The following TAAR8 variants were observed in gnomAD, a reference collection of about 807,000 sequenced individuals.
The protein encoded by TAAR8 is trace amine-associated receptor 8.
For missense variants in TAAR8, 459 were observed against 405.8 expected (o/e 1.13, Z -1.13); for synonymous variants, 157 against 152.7 (o/e 1.03, Z -0.21).
At position 132,553,042 on chromosome 6, in the gene TAAR8, C is replaced by T. The variant is rs767994607; in HGVS notation, c.350C>T (p.Ser117Phe). 3.1e-6 allele frequency: 5 copies of T among 1,614,070 alleles called. No homozygotes were observed. In the African/African-American group the frequency reaches 6.7e-5, roughly 22 times the overall value. The change falls in exon 1 of 1, where the codon TCT becomes TTT. Residue 117 changes from serine to phenylalanine, a missense_variant. By Grantham distance (155) the Ser-to-Phe change is radical (BLOSUM62 -2). Coordinates refer to ENST00000275200, the Ensembl canonical transcript of TAAR8. ...TGCTGTGATGTGGCATTTTGTTACT[C>T]TTCTGTCCTCCACTTGTGCTTCATC...
chr6:132,553,139 A>T, exon 1 of TAAR8: 1 of 1,614,036 alleles, frequency 6.2e-7, no homozygotes, highest in Middle Eastern at 1.6e-4. Context: ...CTGTGTCGGG[A>T]ATTTGCATCA....
At chr6:132,552,691 C>T, upstream of TAAR8, 1 of 1,603,418 alleles carries the variant, frequency 6.2e-7, no homozygotes, top group Non-Finnish European at 8.5e-7. Flanking sequence ...AACAGCAGAA[C>T]CATGACCAGC....
Position 132,552,959 on chromosome 6 carries a change from G to C in TAAR8, c.267G>C (p.Met89Ile), listed in dbSNP as rs908340565. The C allele has an allele frequency of 1.9e-6, 3 of 1,614,064 alleles. No individual in the cohort carries two copies. In the African/African-American group the frequency reaches 4.0e-5, roughly 22 times the overall value. ...GTGTGACTGTGATGCTTTTCAGCAT[G>C]GTCAGGACGGTGGAGAGCTGCTGGT... The change falls in exon 1 of 1, where the codon ATG becomes ATC. Residue 89 changes from methionine (M) to isoleucine (I), a missense_variant. Physicochemically the swap from Met to Ile is conservative, Grantham distance 10. Coordinates refer to ENST00000275200, the Ensembl canonical transcript of TAAR8.
At chr6:132,552,992 A>G in exon 1 of TAAR8, 1 of 1,614,072 alleles carries the variant, frequency 6.2e-7, no homozygotes, top group Non-Finnish European at 8.5e-7. Flanking sequence ...GGTATTTTGG[A>G]GCCAAATTTT....
At chr6:132,552,779 G>T in exon 1 of TAAR8, 2 of 1,614,124 alleles carry the variant, frequency 1.2e-6, no homozygotes, top group Non-Finnish European at 1.7e-6. Flanking sequence ...ATTCTCCTGG[G>T]TCCCGGGTAA....
chr6:132,552,857 T>G (rs775543633), exon 1 of TAAR8: 5 of 1,614,264 alleles, frequency 3.1e-6, no homozygotes, highest in Non-Finnish European at 4.2e-6. Context: ...TAATGACTTC[T>G]GTTCTTCATT....
In TAAR8 at chr6:132,553,395, A is replaced by G. The variant is rs557304182; in HGVS notation, c.703A>G (p.Ser235Gly). 9 of 1,614,220 alleles carry G rather than the reference A, an allele frequency of 5.6e-6. No homozygotes were observed. The Admixed American group carries it at 1.0e-4, about 18-fold the overall frequency. ...AGCTATAAAAATTGAAACTACTAGT[A>G]GCAAAGTAGAATCATCCTCAGAGAG... Residue 235 changes from serine to glycine, a missense_variant, in exon 1 of 1, where the codon AGC (serine) becomes GGC (glycine). By Grantham distance (56) the Ser-to-Gly change is moderately conservative. Coordinates refer to ENST00000275200, the Ensembl canonical transcript of TAAR8.
At chr6:132,552,967 C>T (rs140749468) in exon 1 of TAAR8, 71 of 1,614,064 alleles carry the variant, frequency 4.4e-5, no homozygotes, top group African/African-American at 2.3e-4. Flanking sequence ...ATGGTCAGGA[C>T]GGTGGAGAGC....
chr6:132,553,201 G>C (rs754187443), exon 1 of TAAR8: 1 of 1,614,170 alleles, frequency 6.2e-7, no homozygotes, highest in Non-Finnish European at 8.5e-7. Flanking sequence ...TTCTACACAG[G>C]TGTCAATGAT....
exon 1 of TAAR8, chr6:132,553,715 A>G: frequency 1.3e-6 from 2 of 1,534,262 alleles, no homozygotes; most frequent in African/African-American, 1.4e-5. Flanking sequence ...GTTTATTTTT[A>G]GAATAAGTTT....
At chr6:132,552,709 C>A (rs780386883) in exon 1 of TAAR8, 2 of 1,605,592 alleles carry the variant, frequency 1.2e-6, no homozygotes, top group African/African-American at 2.7e-5. Context: ...AGCAATTTTT[C>A]CCAACCTGTT....
chr6:132,553,657 A>C (rs1776413739), exon 1 of TAAR8: 2 of 1,611,880 alleles, frequency 1.2e-6, no homozygotes, highest in Non-Finnish European at 1.7e-6. Context: ...AAAGCCATAA[A>C]ACTTATTTTA....
At chr6:132,553,066 T>C in exon 1 of TAAR8, 1 of 1,614,226 alleles carries the variant, frequency 6.2e-7, no homozygotes, top group Non-Finnish European at 8.5e-7. Context: ...TTGTGCTTCA[T>C]CTGCATCGAC....
exon 1 of TAAR8, chr6:132,553,710 T>C: frequency 1.3e-6 from 2 of 1,540,700 alleles, no homozygotes; most frequent in Non-Finnish European, 1.7e-6. Flanking sequence ...CATTAGTTTA[T>C]TTTTAGAATA....
exon 1 of TAAR8, chr6:132,553,379 A>C: frequency 1.9e-6 from 3 of 1,614,162 alleles, no homozygotes; most frequent in Non-Finnish European, 2.5e-6. Context: ...AAGCTATAAA[A>C]ATTGAAACTA....
exon 1 of TAAR8, chr6:132,553,456 C>G: frequency 6.2e-7 from 1 of 1,614,138 alleles, no homozygotes. Context: ...GAGAGGAAAG[C>G]AGCTAAAACC....
In TAAR8 at chr6:132,553,440, AAGAG is replaced by A; in HGVS notation, c.755_758del (p.Glu252GlyfsTer12). On this transcript the variant is annotated frameshift_variant, in exon 1 of 1. Coordinates refer to ENST00000275200, the Ensembl canonical transcript of TAAR8. LOFTEE classifies it low-confidence loss of function (END_TRUNC). ...AGAGAGTTATAAAATCAGAGTGGCCAAGAGAGAGAGGAAAGCAGCTAAAACCCTG... is the reference window on the plus strand; with the variant it reads ...AGAGAGTTATAAAATCAGAGTGGCCAAGAGAGGAAAGCAGCTAAAACCCTG... The A allele has an allele frequency of 6.2e-7, 1 of 1,612,664 alleles. No individual in the cohort carries two copies. The highest frequency in any genetic ancestry group is 1.1e-5 in the South Asian group (1 of 89,998).
exon 1 of TAAR8, chr6:132,553,624 C>T (rs760767492): frequency 3.1e-6 from 5 of 1,613,770 alleles, no homozygotes; most frequent in Non-Finnish European, 4.2e-6. Context: ...TTGATTTATG[C>T]TCTATTTTAT....
exon 1 of TAAR8, chr6:132,552,809 C>A: frequency 6.2e-7 from 1 of 1,614,160 alleles, no homozygotes; most frequent in Non-Finnish European, 8.5e-7. Flanking sequence ...CGGCGTTTAG[C>A]TTTGGGTCTT....
Sources: gnomAD v4.1 joint callset for allele counts on GRCh38, gnomAD v4.1.1 for gene constraint, MANE v1.5 for transcripts, NCBI Gene and HGNC (gene_info 2026-07-23, HGNC 2026-07-21) for gene names.